Variants in GOLGA1 observed in about 807,000 individuals in gnomAD.
GOLGA1 encodes golgin A1, also known as golgin subfamily A member 1.
Under a neutral mutation model 119.7 loss-of-function variants are expected in GOLGA1, and 63 were observed. The ratio of observed to expected loss-of-function variants is 0.53; its 90% CI spans 0.43 to 0.65. The LOEUF is 0.65. Among genes scored for constraint, GOLGA1 ranks in the 30% least tolerant of loss-of-function variants. GOLGA1 has a pLI of 0.00. For synonymous variants in GOLGA1, 318 were observed against 333.4 expected (o/e 0.95, Z 0.50); for missense variants, 798 against 912.8 (o/e 0.87, Z 1.62).
intron 7 of GOLGA1, among the ~76,000 whole-genome samples, chr9:124,926,458 C>T (rs932029100): frequency 1.3e-5 from 2 of 152,048 alleles, no homozygotes; most frequent in Admixed American, 6.6e-5. Flanking sequence ...CAGTTTCTAT[C>T]GGCGTTCAGG....
In GOLGA1 at chr9:124,880,756, C is replaced by A; in HGVS notation, c.2224-146G>T. 3 of 626,038 alleles carry A rather than the reference C, an allele frequency of 4.8e-6. No homozygotes were observed. In the Admixed American group the frequency reaches 7.1e-5, roughly 15 times the overall value. The allele number at this position is 626,038 out of a possible 1,614,324, so 38.8% of individuals were successfully genotyped here. ...CTCTGAGCAGAGCAAGAAGATGGTG[C>A]CAGTAACCAGTCTGCAGGCCCGTGC... On this transcript the variant is annotated intron_variant, in intron 22 of 22. Transcript: ENST00000373555.
intron 15 of GOLGA1, among the ~76,000 whole-genome samples, chr9:124,897,726 A>C (rs1236479572): frequency 6.6e-6 from 1 of 152,236 alleles, no homozygotes; most frequent in African/African-American, 2.4e-5. Context: ...CATGAAAAAA[A>C]AATCTGACTC....
At position 124,921,972 on chromosome 9, in the gene GOLGA1, A is replaced by T. The variant is rs1481876684; in HGVS notation, c.562-80T>A. The T allele has an allele frequency of 4.1e-6, 5 of 1,208,308 alleles. No homozygotes were observed. In the East Asian group the frequency reaches 9.3e-5, roughly 23 times the overall value. The allele number at this position is 1,208,308 out of a possible 1,614,324, so 74.8% of individuals were successfully genotyped here. A position where few individuals can be genotyped will look rare whatever the true frequency, so the allele number is the denominator to read the frequency against. ...ATCAGGCATGCTGGCTCACGCCTGTAATCCCAACACTTTGGGAGGCTGAGG... is the reference window on the plus strand; with the variant it reads ...ATCAGGCATGCTGGCTCACGCCTGTTATCCCAACACTTTGGGAGGCTGAGG... On this transcript the variant is annotated intron_variant, in intron 8 of 22. Coordinates refer to ENST00000373555, the MANE Select transcript of GOLGA1 (RefSeq NM_002077.4).
intron 19 of GOLGA1, among the ~76,000 whole-genome samples, chr9:124,885,501 A>G (rs1385957358): frequency 6.9e-6 from 1 of 144,178 alleles, no homozygotes; most frequent in Non-Finnish European, 1.5e-5. Context: ...AAAAAAAAAA[A>G]GAAATCAATA....
chr9:124,894,014 C>T (rs551537840), intron 15 of GOLGA1, among the ~76,000 whole-genome samples: 1 of 152,320 alleles, frequency 6.6e-6, no homozygotes, highest in Non-Finnish European at 1.5e-5. Context: ...ATATTCCCTA[C>T]GACTCTACGG....
Position 124,900,527 on chromosome 9 carries a change from G to C in GOLGA1, c.1086C>G (p.Thr362=). Residue 362 remains threonine, a synonymous_variant, in exon 13 of 23, where the codon ACC becomes ACG. Coordinates refer to ENST00000373555, the MANE Select transcript of GOLGA1 (RefSeq NM_002077.4). ...GGAGCTGCTCCTCAGAGGCCTGCAA[G>C]GTCTGCTCCAGTTCTCTCACCTGAG... ...LETRVRELEQ[T]LQASEEQLQQ... is the part of the protein sequence containing the mutation. 6.3e-7 allele frequency: 1 copy of C among 1,588,148 alleles called. No homozygotes were observed. The highest frequency in any genetic ancestry group is 8.6e-7 in the Non-Finnish European group (1 of 1,156,876).
intron 10 of GOLGA1, among the ~76,000 whole-genome samples, chr9:124,918,228 A>T (rs1167576174): frequency 6.6e-6 from 1 of 152,166 alleles, no homozygotes; most frequent in Non-Finnish European, 1.5e-5. Context: ...GTTAGTAATT[A>T]TATATGTGAT....
chr9:124,913,384 A>G (rs1830377254), intron 10 of GOLGA1, among the ~76,000 whole-genome samples: 1 of 152,182 alleles, frequency 6.6e-6, no homozygotes, highest in Non-Finnish European at 1.5e-5. Context: ...AAAAGGTTGT[A>G]GGGCAACAAA....
intron 19 of GOLGA1, among the ~76,000 whole-genome samples, chr9:124,884,029 T>G (rs1020528120): frequency 6.6e-6 from 1 of 152,048 alleles, no homozygotes; most frequent in Non-Finnish European, 1.5e-5. Flanking sequence ...TTTTTTTTTT[T>G]GAGACGGAGT....
chr9:124,932,242 A>G (rs1432230218), intron 3 of GOLGA1, among the ~76,000 whole-genome samples: 3 of 152,248 alleles, frequency 2.0e-5, no homozygotes, highest in Admixed American at 1.3e-4. Context: ...CATAGGCAAC[A>G]TATGATTATC....
At chr9:124,941,524 G>A (rs1831024918), upstream of GOLGA1, among the ~76,000 whole-genome samples, 1 of 152,184 alleles carries the variant, frequency 6.6e-6, no homozygotes, top group Admixed American at 6.5e-5. Flanking sequence ...CGTGTGACCC[G>A]GGAAGTCTGC....
intron 18 of GOLGA1, 105 bp downstream of exon 18, chr9:124,889,038 A>C: frequency 1.2e-6 from 1 of 831,962 alleles, no homozygotes; most frequent in South Asian, 1.8e-5. Flanking sequence ...CATGCAGGGG[A>C]GCGTCGTGTC....
At chr9:124,909,437 C>G (rs1830296393) in intron 11 of GOLGA1, among the ~76,000 whole-genome samples, 1 of 150,598 alleles carries the variant, frequency 6.6e-6, no homozygotes, top group African/African-American at 2.4e-5. Context: ...GAAGCCCTGT[C>G]TCTACTAAAA....
chr9:124,945,336 A>G (rs1489897291), upstream of GOLGA1: 1 of 152,088 alleles, frequency 6.6e-6, no homozygotes, highest in Non-Finnish European at 1.5e-5. Flanking sequence ...CGGGTGGATC[A>G]CTTGAGGTCA....
At chr9:124,943,376 C>T (rs1227636869), upstream of GOLGA1, 5 of 151,926 alleles carry the variant, frequency 3.3e-5, no homozygotes, top group East Asian at 7.7e-4. Context: ...TACAAATGAA[C>T]GACAAGATTG....
chr9:124,891,569 G>A (rs1029464190), intron 15 of GOLGA1, among the ~76,000 whole-genome samples: 1 of 152,044 alleles, frequency 6.6e-6, no homozygotes, highest in African/African-American at 2.4e-5. Flanking sequence ...AGAGCTTAGC[G>A]ATTTTATTCA....
rs536932729 is a variant in GOLGA1 at position 124,890,902 on chromosome 9, C to T, written c.1408-424G>A. Among the ~76,000 whole-genome samples, 92 of 152,232 alleles carry T rather than the reference C, an allele frequency of 6.0e-4. 1 individual carries two copies. Among genetic ancestry groups the T allele is most frequent in the African/African-American group, 2.2e-3 (90 of 41,530 alleles). On this transcript the variant is annotated intron_variant, in intron 15 of 22. Transcript: ENST00000373555. ...AGGGACGGTGGCTCACACCAATAATCCCAGCACTTCAGGAGGCTGAGGTGG... is the reference window on the plus strand; with the variant it reads ...AGGGACGGTGGCTCACACCAATAATTCCAGCACTTCAGGAGGCTGAGGTGG...
intron 10 of GOLGA1, among the ~76,000 whole-genome samples, chr9:124,919,833 C>T (rs926689964): frequency 6.6e-6 from 1 of 152,108 alleles, no homozygotes; most frequent in Non-Finnish European, 1.5e-5. Context: ...GCCAGGAATG[C>T]TAAATGTCGC....
chr9:124,896,527 TAA>T (rs1186954586), intron 15 of GOLGA1, among the ~76,000 whole-genome samples: 2 of 152,266 alleles, frequency 1.3e-5, no homozygotes, highest in East Asian at 3.8e-4. Flanking sequence ...CCTAGATTCC[TAA>T]AAAGTCTCCT....
Sources: gnomAD v4.1 joint callset for allele counts (sites outside exome capture counted in the v4.1 genomes callset) on GRCh38, gnomAD v4.1.1 for gene constraint, MANE v1.5 for transcripts, NCBI Gene and HGNC (gene_info 2026-07-23, HGNC 2026-07-21) for gene names.